Variants in KCNJ3 observed in about 807,000 individuals in gnomAD.
KCNJ3 encodes the protein potassium inwardly rectifying channel subfamily J member 3.
Under a neutral mutation model 39.2 loss-of-function variants are expected in KCNJ3, and 4 were observed. The observed-to-expected ratio is 0.10, with a 90% CI of 0.05 to 0.23. The LOEUF is 0.23. Among genes scored for constraint, KCNJ3 ranks in the 10% least tolerant of loss-of-function variants. KCNJ3 has a pLI of 1.00. For synonymous variants in KCNJ3, 230 were observed against 237.4 expected (o/e 0.97, Z 0.29); for missense variants, 276 against 634.9 (o/e 0.43, Z 6.08).
At chr2:154,737,171 G>T (rs749741736) in intron 2 of KCNJ3, among the ~76,000 whole-genome samples, 1 of 152,158 alleles carries the variant, frequency 6.6e-6, no homozygotes, top group East Asian at 1.9e-4. Flanking sequence ...GAAAGTTCTT[G>T]TTCACCCAGA....
At chr2:154,830,522 A>AAACTT (rs947926272) in intron 2 of KCNJ3, among the ~76,000 whole-genome samples, 2 of 152,182 alleles carry the variant, frequency 1.3e-5, no homozygotes, top group African/African-American at 4.8e-5. Flanking sequence ...CGTGTGTTTC[A>AAACTT]AACTTAATGT....
intron 2 of KCNJ3, among the ~76,000 whole-genome samples, chr2:154,837,801 C>CTT (rs1283199730): frequency 1.3e-5 from 2 of 152,164 alleles, no homozygotes; most frequent in Non-Finnish European, 2.9e-5. Context: ...TGCATGTGCT[C>CTT]TTTTTCCATC....
intron 2 of KCNJ3, among the ~76,000 whole-genome samples, chr2:154,751,347 A>G (rs73003595): frequency 6.6e-6 from 1 of 151,940 alleles, no homozygotes; most frequent in Admixed American, 6.6e-5. Context: ...ATTTCATTAC[A>G]TATCAAAATA....
At chr2:154,732,600 T>C (rs1236338215) in intron 2 of KCNJ3, among the ~76,000 whole-genome samples, 1 of 152,104 alleles carries the variant, frequency 6.6e-6, no homozygotes, top group Admixed American at 6.6e-5. Flanking sequence ...AATGCTAGTA[T>C]AGCAATAGTG....
chr2:154,722,813 C>T (rs1356820174), intron 2 of KCNJ3, among the ~76,000 whole-genome samples: 4 of 152,114 alleles, frequency 2.6e-5, no homozygotes, highest in African/African-American at 2.4e-5. Context: ...ATCATTTATT[C>T]ATTTATTGCT....
chr2:154,855,303 G>A lies in KCNJ3; in HGVS notation c.1496G>A (p.Arg499His), dbSNP rs1687817888. 1.3e-6 allele frequency: 2 copies of A among 1,598,096 alleles called. No homozygotes were observed. Among genetic ancestry groups the A allele is most frequent in the Non-Finnish European group, 1.7e-6 (2 of 1,172,380 alleles). Residue 499 changes from arginine (R) to histidine (H), a missense_variant, in exon 3 of 3, where the codon CGC becomes CAC. Physicochemically the swap from Arg to His is conservative, Grantham distance 29. This residue lies in a region of KCNJ3 where 126 missense variants were observed against 179.8 expected (regional missense o/e 0.70). Coordinates refer to ENST00000295101, the MANE Select transcript of KCNJ3 (RefSeq NM_002239.4). Reference protein sequence around the residue: ...PAKLRKMNSDRFT With the variant: ...PAKLRKMNSDHFT ...AAATTAAGAAAAATGAACTCTGATCGCTTCACATAACAAAGCACTCCCTTA... is the reference window on the plus strand; with the variant it reads ...AAATTAAGAAAAATGAACTCTGATCACTTCACATAACAAAGCACTCCCTTA...
intron 2 of KCNJ3, among the ~76,000 whole-genome samples, chr2:154,783,926 A>G (rs1223954596): frequency 6.6e-6 from 1 of 152,228 alleles, no homozygotes; most frequent in African/African-American, 2.4e-5. Context: ...TTTCCTGAAC[A>G]TATACAATGA....
intron 2 of KCNJ3, among the ~76,000 whole-genome samples, chr2:154,730,086 A>C (rs997441908): frequency 6.6e-6 from 1 of 151,906 alleles, no homozygotes; most frequent in Non-Finnish European, 1.5e-5. Flanking sequence ...AGCAGAAAGC[A>C]GTTGCCCCTG....
At chr2:154,841,930 C>T (rs1687584024) in intron 2 of KCNJ3, among the ~76,000 whole-genome samples, 1 of 151,820 alleles carries the variant, frequency 6.6e-6, no homozygotes, top group Non-Finnish European at 1.5e-5. Flanking sequence ...TTATGTCTCT[C>T]TGTATCTCTT....
intron 2 of KCNJ3, among the ~76,000 whole-genome samples, chr2:154,853,498 G>GA (rs1425751711): frequency 6.6e-6 from 1 of 151,866 alleles, no homozygotes; most frequent in Non-Finnish European, 1.5e-5. Flanking sequence ...AATGAATGAA[G>GA]AAAAACTATC....
intron 2 of KCNJ3, among the ~76,000 whole-genome samples, chr2:154,737,448 A>G (rs1685567708): frequency 6.9e-6 from 1 of 144,036 alleles, no homozygotes; most frequent in Non-Finnish European, 1.5e-5. Context: ...AAATTTCACA[A>G]TTTCTGGCAT....
chr2:154,710,617 GTA>G (rs1295621095), intron 2 of KCNJ3, among the ~76,000 whole-genome samples: 8 of 152,066 alleles, frequency 5.3e-5, no homozygotes, highest in East Asian at 1.9e-4. Context: ...GTATGTATAC[GTA>G]TATGTGTGTG....
intron 2 of KCNJ3, among the ~76,000 whole-genome samples, chr2:154,843,379 T>G (rs373855549): frequency 1.3e-4 from 20 of 152,144 alleles, no homozygotes; most frequent in African/African-American, 4.3e-4. Flanking sequence ...ACTTTTTCCT[T>G]CATTTCAACT....
At chr2:154,711,482 C>T (rs1685101458) in intron 2 of KCNJ3, among the ~76,000 whole-genome samples, 1 of 152,084 alleles carries the variant, frequency 6.6e-6, no homozygotes, top group South Asian at 2.1e-4. Flanking sequence ...TATCTATCTA[C>T]TTATCTATCT....
chr2:154,849,368 G>C (rs10165150), intron 2 of KCNJ3, among the ~76,000 whole-genome samples: 1 of 151,792 alleles, frequency 6.6e-6, no homozygotes, highest in Non-Finnish European at 1.5e-5. Context: ...TTTGATGTAC[G>C]TGTGATAAAA....
chr2:154,821,635 A>ATTTTTTTTTTTTTTTT (rs71422263), intron 2 of KCNJ3, among the ~76,000 whole-genome samples: 1 of 88,072 alleles, frequency 1.1e-5, no homozygotes, highest in Non-Finnish European at 2.1e-5. Flanking sequence ...AGAATATGTG[A>ATTTTTTTTTTTTTTTT]TTTTTTTTTT....
chr2:154,778,147 C>A (rs1423503358), intron 2 of KCNJ3, among the ~76,000 whole-genome samples: 2 of 152,054 alleles, frequency 1.3e-5, no homozygotes, highest in African/African-American at 4.8e-5. Context: ...GGTCTAGCTA[C>A]ACAATTTGAT....
chr2:154,844,466 C>G (rs1432418109), intron 2 of KCNJ3, among the ~76,000 whole-genome samples: 1 of 152,216 alleles, frequency 6.6e-6, no homozygotes, highest in Admixed American at 6.5e-5. Context: ...CTGGGAGAAC[C>G]ACTGCTCTCT....
At chr2:154,715,302 C>T (rs1393402371) in intron 2 of KCNJ3, among the ~76,000 whole-genome samples, 3 of 152,142 alleles carry the variant, frequency 2.0e-5, no homozygotes, top group Non-Finnish European at 2.9e-5. Context: ...GTACTCAAAG[C>T]CCCTAATGAC....
Sources: allele counts gnomAD v4.1 joint callset (sites outside exome capture counted in the v4.1 genomes callset), GRCh38; gene constraint gnomAD v4.1.1; regional missense constraint gnomAD v4.1.1; transcripts MANE v1.5; gene names NCBI Gene and HGNC (gene_info 2026-07-23, HGNC 2026-07-21).